RANBP2: variants seen among roughly 807,000 people sequenced by gnomAD.
RANBP2 encodes E3 SUMO-protein ligase RanBP2.
In RANBP2, 57 loss-of-function variants were observed where a neutral mutation model predicts 303.6. That is an observed-to-expected ratio of 0.19 (90% CI 0.15 to 0.23). The LOEUF (loss-of-function observed/expected upper bound fraction) is 0.23. Among genes scored for constraint, RANBP2 ranks in the 10% least tolerant of loss-of-function variants. The probability of loss-of-function intolerance (pLI) is 1.00; values close to 1 mark genes in which losing one functional copy is unlikely to be tolerated. For synonymous variants in RANBP2, 1,167 were observed against 1,301.5 expected (o/e 0.90, Z 2.23); for missense variants, 3,138 against 3,780.8 (o/e 0.83, Z 4.46).
At chr2:109,413,567 G>A in the RANBP2 span, among the ~76,000 whole-genome samples, 3 of 151,874 alleles carry the variant, frequency 2.0e-5, no homozygotes, top group African/African-American at 7.3e-5. Flanking sequence ...TGTCTCTCCC[G>A]CTCTAGAATG....
chr2:108,848,439 A>G, the RANBP2 span, among the ~76,000 whole-genome samples: 2 of 152,216 alleles, frequency 1.3e-5, no homozygotes, highest in Non-Finnish European at 2.9e-5. Context: ...TCAAAGAAAT[A>G]TAACAGGGCA....
At chr2:109,166,785 T>C in the RANBP2 span, among the ~76,000 whole-genome samples, 2 of 152,256 alleles carry the variant, frequency 1.3e-5, no homozygotes, top group Non-Finnish European at 2.9e-5. Context: ...TTTTCAACTA[T>C]ATAGGTTAAA....
chr2:109,447,576 G>A, the RANBP2 span, among the ~76,000 whole-genome samples: 63 of 151,856 alleles, frequency 4.1e-4, no homozygotes, highest in African/African-American at 1.5e-3. Context: ...GGTGCTGCCC[G>A]GGCCACTTGG....
At chr2:109,289,776 T>G in the RANBP2 span, among the ~76,000 whole-genome samples, 5 of 152,152 alleles carry the variant, frequency 3.3e-5, no homozygotes, top group Non-Finnish European at 7.4e-5. Flanking sequence ...TTTTTTAAGC[T>G]GGAAACTGGG....
At chr2:109,218,783 GT>G in the RANBP2 span, among the ~76,000 whole-genome samples, 1 of 152,184 alleles carries the variant, frequency 6.6e-6, no homozygotes, top group Admixed American at 6.5e-5. Context: ...TATATTTGCT[GT>G]TTCTTTAATG....
At chr2:109,729,869 G>A in the RANBP2 span, among the ~76,000 whole-genome samples, 83,171 of 151,994 alleles carry the variant, frequency 0.55, 24,275 homozygotes, top group East Asian at 0.66. Context: ...CATGGCTGGG[G>A]ATGCCTCAGG....
the RANBP2 span, among the ~76,000 whole-genome samples, chr2:109,179,003 A>ATTGTGTGTG: frequency 2.1e-5 from 3 of 142,178 alleles, no homozygotes; most frequent in Non-Finnish European, 3.1e-5. Context: ...AAGTATAATA[A>ATTGTGTGTG]TGTGTGTGTG....
chr2:108,786,856 G>A (rs1678861824), downstream of RANBP2: 1 of 1,592,178 alleles, frequency 6.3e-7, no homozygotes, highest in Non-Finnish European at 8.5e-7. Context: ...ACCGGGGCAG[G>A]ATTTAGTAGT....
intron 12 of RANBP2, among the ~76,000 whole-genome samples, chr2:108,752,262 T>TA (rs943227844): frequency 0.028 from 4,196 of 147,436 alleles, 179 homozygotes; most frequent in African/African-American, 0.099. Flanking sequence ...GCCTGAAAAT[T>TA]AAAAAAAAAA....
At chr2:109,741,451 C>A in the RANBP2 span, among the ~76,000 whole-genome samples, 3 of 149,824 alleles carry the variant, frequency 2.0e-5, no homozygotes, top group Non-Finnish European at 4.5e-5. Context: ...GGGCTCGGTG[C>A]CCCACGCCTG....
chr2:109,123,621 C>A, the RANBP2 span, among the ~76,000 whole-genome samples: 1 of 152,222 alleles, frequency 6.6e-6, no homozygotes, highest in Admixed American at 6.5e-5. Context: ...TTATTCCACT[C>A]AGTAGCAATG....
At chr2:109,016,248 A>ATT in the RANBP2 span, among the ~76,000 whole-genome samples, 167 of 145,580 alleles carry the variant, frequency 1.1e-3, no homozygotes, top group African/African-American at 4.0e-3. Context: ...CGCCCGGCTA[A>ATT]TTTTTTTTTT....
Position 108,764,607 on chromosome 2 carries a change from G to A in RANBP2, c.4068G>A (p.Trp1356Ter). The A allele has an allele frequency of 6.2e-7, 1 of 1,614,040 alleles. No individual in the cohort carries two copies. Among genetic ancestry groups the A allele is most frequent in the Non-Finnish European group, 8.5e-7 (1 of 1,179,958 alleles). The change falls in exon 20 of 29, where the codon TGG becomes TGA. Residue 1356 changes from tryptophan (W) to a stop codon, truncating the protein, a stop_gained. Coordinates refer to ENST00000283195, the MANE Select transcript of RANBP2 (RefSeq NM_006267.5). LOFTEE classifies it high-confidence loss of function. Reference sequence around the variant, plus strand: ...TTGCAAAGAAAGAAGGGTCTTGGTGGCATTGTAACAGCTGCTCATTAAAGA... The same window carrying A: ...TTGCAAAGAAAGAAGGGTCTTGGTGACATTGTAACAGCTGCTCATTAAAGA... ...FQVAKKEGSWWHCNSCSLKNA... is the reference protein window; with the variant it reads ...FQVAKKEGSW
the RANBP2 span, among the ~76,000 whole-genome samples, chr2:109,401,020 C>T: frequency 6.6e-6 from 1 of 152,214 alleles, no homozygotes; most frequent in South Asian, 2.1e-4. Context: ...CAGTGGCGGA[C>T]CAGTGTGGCT....
chr2:109,277,117 G>T, the RANBP2 span, among the ~76,000 whole-genome samples: 1 of 152,170 alleles, frequency 6.6e-6, no homozygotes, highest in East Asian at 1.9e-4. Flanking sequence ...GAGCCCTCAG[G>T]ACTGTAGGAG....
At chr2:108,722,699 C>G (rs1319126752) in intron 1 of RANBP2, among the ~76,000 whole-genome samples, 1 of 149,306 alleles carries the variant, frequency 6.7e-6, no homozygotes, top group East Asian at 1.9e-4. Context: ...AGAGACCAGC[C>G]TGACCAATAT....
chr2:108,989,405 G>A, the RANBP2 span: 1 of 152,406 alleles, frequency 6.6e-6, no homozygotes, highest in African/African-American at 2.4e-5. Flanking sequence ...TAAAAATCAT[G>A]GATTTTTTTT....
chr2:109,414,451 C>T, the RANBP2 span, among the ~76,000 whole-genome samples: 2 of 152,092 alleles, frequency 1.3e-5, no homozygotes, highest in African/African-American at 4.8e-5. Flanking sequence ...GTAAACCTGG[C>T]CCCTGTTACC....
chr2:109,702,779 C>T, the RANBP2 span, among the ~76,000 whole-genome samples: 7 of 149,890 alleles, frequency 4.7e-5, no homozygotes, highest in African/African-American at 1.5e-4. Flanking sequence ...TTCTCACAGC[C>T]GCATTCTTTG....
Sources: allele counts gnomAD v4.1 joint callset (sites outside exome capture counted in the v4.1 genomes callset), GRCh38; gene constraint gnomAD v4.1.1; transcripts MANE v1.5; gene names NCBI Gene and HGNC (gene_info 2026-07-23, HGNC 2026-07-21).